CHCHD6: variants seen among roughly 807,000 people sequenced by gnomAD.
CHCHD6 encodes the protein MICOS complex subunit MIC25.
CHCHD6 carries 28 observed loss-of-function variants against 32.3 expected under a neutral mutation model. That is an observed-to-expected ratio of 0.87 (90% CI 0.64 to 1.19). The LOEUF (loss-of-function observed/expected upper bound fraction) is 1.19. Ranked by LOEUF, CHCHD6 falls within the 50% of genes most tolerant of loss-of-function variation. CHCHD6 has a pLI of 0.00. For missense variants in CHCHD6, 333 were observed against 307.0 expected (o/e 1.08, Z -0.63); for synonymous variants, 122 against 117.5 (o/e 1.04, Z -0.25).
At chr3:126,951,885 C>T (rs1028966174) in intron 6 of CHCHD6, among the ~76,000 whole-genome samples, 3 of 152,160 alleles carry the variant, frequency 2.0e-5, no homozygotes, top group Non-Finnish European at 4.4e-5. Flanking sequence ...TCTAACTAGG[C>T]CTGAGATCTG....
At chr3:126,943,137 G>A (rs1030790129) in intron 6 of CHCHD6, among the ~76,000 whole-genome samples, 2 of 151,936 alleles carry the variant, frequency 1.3e-5, no homozygotes, top group African/African-American at 4.8e-5. Context: ...CAGCTGCCAC[G>A]TCCCCTCCTG....
intron 1 of CHCHD6, among the ~76,000 whole-genome samples, chr3:126,714,646 G>C (rs747673062): frequency 4.6e-5 from 7 of 152,154 alleles, no homozygotes; most frequent in Admixed American, 2.0e-4. Flanking sequence ...GCACTGTCCT[G>C]GTGCTAGGCC....
intron 1 of CHCHD6, among the ~76,000 whole-genome samples, chr3:126,707,145 T>C (rs1408411558): frequency 6.6e-6 from 1 of 151,872 alleles, no homozygotes; most frequent in African/African-American, 2.4e-5. Context: ...CACACACCTG[T>C]ACACCCAGCT....
chr3:126,774,208 G>T (rs1373589252), intron 4 of CHCHD6, among the ~76,000 whole-genome samples: 10 of 152,184 alleles, frequency 6.6e-5, no homozygotes, highest in Admixed American at 6.5e-5. Flanking sequence ...TGGTGATTTT[G>T]CTGAGTGTAA....
chr3:126,772,779 T>C (rs544629334), intron 4 of CHCHD6, among the ~76,000 whole-genome samples: 1 of 152,188 alleles, frequency 6.6e-6, no homozygotes, highest in Non-Finnish European at 1.5e-5. Context: ...CATCATGTTA[T>C]TAGCTGTTTA....
chr3:126,708,683 A>C (rs1190361167), intron 1 of CHCHD6, among the ~76,000 whole-genome samples: 1 of 151,422 alleles, frequency 6.6e-6, no homozygotes, highest in Non-Finnish European at 1.5e-5. Context: ...ATTGGGATGC[A>C]TCATTTTACA....
At chr3:126,926,177 C>T (rs1407738699) in intron 6 of CHCHD6, among the ~76,000 whole-genome samples, 1 of 152,224 alleles carries the variant, frequency 6.6e-6, no homozygotes, top group African/African-American at 2.4e-5. Flanking sequence ...GCTCTGCCCT[C>T]TTTACTGCCC....
intron 4 of CHCHD6, among the ~76,000 whole-genome samples, chr3:126,805,241 G>T (rs1234435542): frequency 6.6e-6 from 1 of 152,182 alleles, no homozygotes; most frequent in Non-Finnish European, 1.5e-5. Context: ...TATTCAGTTA[G>T]GAAAAGAGGA....
chr3:126,711,298 T>G (rs1358948870), intron 1 of CHCHD6, among the ~76,000 whole-genome samples: 2 of 152,200 alleles, frequency 1.3e-5, no homozygotes, highest in African/African-American at 4.8e-5. Flanking sequence ...ATCTTATTCT[T>G]CCAGGCTTTA....
intron 4 of CHCHD6, among the ~76,000 whole-genome samples, chr3:126,760,215 A>G (rs193049785): frequency 6.6e-6 from 1 of 152,318 alleles, no homozygotes; most frequent in Admixed American, 6.5e-5. Flanking sequence ...TGAAATTAGT[A>G]AGTAATCTGT....
chr3:126,774,023 T>G (rs1396877722), intron 4 of CHCHD6, among the ~76,000 whole-genome samples: 2 of 152,224 alleles, frequency 1.3e-5, no homozygotes, highest in African/African-American at 4.8e-5. Flanking sequence ...TATAAAATGA[T>G]GATTTTATAT....
chr3:126,940,252 C>T (rs992694619), intron 6 of CHCHD6, among the ~76,000 whole-genome samples: 7 of 152,198 alleles, frequency 4.6e-5, no homozygotes, highest in Non-Finnish European at 7.3e-5. Context: ...TCCATGTTCA[C>T]GGAGCACAGC....
intron 4 of CHCHD6, among the ~76,000 whole-genome samples, chr3:126,844,828 C>G (rs1941237539): frequency 6.6e-6 from 1 of 151,856 alleles, no homozygotes; most frequent in African/African-American, 2.4e-5. Flanking sequence ...ATGTCAAGGT[C>G]CTTATGAGGG....
chr3:126,704,621 C>A (rs1934384638), intron 1 of CHCHD6, among the ~76,000 whole-genome samples: 1 of 152,172 alleles, frequency 6.6e-6, no homozygotes, highest in Admixed American at 6.5e-5. Flanking sequence ...GAGTGAAGAA[C>A]TGTACAGGTG....
chr3:126,800,808 C>G (rs1939026648), intron 4 of CHCHD6, among the ~76,000 whole-genome samples: 1 of 152,156 alleles, frequency 6.6e-6, no homozygotes, highest in Non-Finnish European at 1.5e-5. Context: ...TTAACCACAG[C>G]CCTACAGGAG....
chr3:126,914,009 A>G (rs897400863), intron 5 of CHCHD6, among the ~76,000 whole-genome samples: 5 of 152,214 alleles, frequency 3.3e-5, no homozygotes, highest in Non-Finnish European at 5.9e-5. Flanking sequence ...GGGTGATCTC[A>G]GGACAAATTA....
At chr3:126,707,439 A>G (rs1934544282) in intron 1 of CHCHD6, among the ~76,000 whole-genome samples, 1 of 152,182 alleles carries the variant, frequency 6.6e-6, no homozygotes, top group African/African-American at 2.4e-5. Flanking sequence ...TGAAATACGT[A>G]AAGATTTTGT....
intron 4 of CHCHD6, among the ~76,000 whole-genome samples, chr3:126,750,742 G>A (rs1936689209): frequency 6.6e-6 from 1 of 152,228 alleles, no homozygotes; most frequent in African/African-American, 2.4e-5. Context: ...CTTTTGCAAT[G>A]AGCCTGAACT....
At chr3:126,900,237 C>T (rs2107582503) in intron 5 of CHCHD6, among the ~76,000 whole-genome samples, 1 of 152,274 alleles carries the variant, frequency 6.6e-6, no homozygotes, top group South Asian at 2.1e-4. Context: ...TTACTTCCTA[C>T]CTCTATGTCC....
Sources: allele counts gnomAD v4.1 joint callset (sites outside exome capture counted in the v4.1 genomes callset), GRCh38; gene constraint gnomAD v4.1.1; transcripts MANE v1.5; gene names NCBI Gene and HGNC (gene_info 2026-07-23, HGNC 2026-07-21).